Variants in CCDC60 observed in about 807,000 individuals in gnomAD.
The protein encoded by CCDC60 is coiled-coil domain-containing protein 60.
Under a neutral mutation model 63.5 loss-of-function variants are expected in CCDC60, and 54 were observed. The observed-to-expected ratio is 0.85, with a 90% confidence interval of 0.68 to 1.07. The LOEUF (loss-of-function observed/expected upper bound fraction) is 1.07. CCDC60 is among the 50% of genes least tolerant of loss of function. The pLI is 0.00. For missense variants in CCDC60, 651 were observed against 684.3 expected, an observed-to-expected ratio of 0.95 and a Z score of 0.54; for synonymous variants, 206 against 238.8, an observed-to-expected ratio of 0.86 and a Z score of 1.27.
intron 1 of CCDC60, among the ~76,000 whole-genome samples, chr12:119,360,590 G>A (rs1003294041): frequency 1.6e-4 from 24 of 151,962 alleles, no homozygotes; most frequent in Non-Finnish European, 2.4e-4. Context: ...CGGCCGGGCA[G>A]AGGCACTCCT....
intron 1 of CCDC60, among the ~76,000 whole-genome samples, chr12:119,390,699 T>A (rs940188543): frequency 3.9e-5 from 6 of 152,190 alleles, no homozygotes; most frequent in African/African-American, 1.4e-4. Flanking sequence ...AGATTTGAAT[T>A]CAGCAGCTCG....
intron 11 of CCDC60, among the ~76,000 whole-genome samples, chr12:119,525,483 G>A (rs1952656702): frequency 6.6e-6 from 1 of 152,208 alleles, no homozygotes; most frequent in East Asian, 1.9e-4. Context: ...AGAGACTGGG[G>A]GGCTATATTC....
Position 119,479,057 on chromosome 12 carries a change from A to T in CCDC60, c.342-37A>T, listed in dbSNP as rs139820557. The T allele has an allele frequency of 4.4e-3, 6,364 of 1,437,070 alleles. 47 individuals are homozygous for T. Among genetic ancestry groups the T allele is most frequent in the Non-Finnish European group, 4.6e-3 (4,666 of 1,021,064 alleles). 89.0% of individuals were successfully genotyped at this position (1,437,070 alleles called of 1,614,324 possible). ...AAGAAGGTGTTCAAAGCTACTGCTC[A>T]TTGTTCACATTGTTTCTCTGTCTGC... On this transcript the variant is annotated intron_variant, in intron 3 of 13. Coordinates refer to ENST00000327554, the MANE Select transcript of CCDC60 (RefSeq NM_178499.5).
chr12:119,483,076 AAC>A (rs1951361503), intron 4 of CCDC60, among the ~76,000 whole-genome samples: 1 of 152,162 alleles, frequency 6.6e-6, no homozygotes, highest in Non-Finnish European at 1.5e-5. Context: ...GCTCAGAATG[AAC>A]ACAGTTACCC....
intron 1 of CCDC60, among the ~76,000 whole-genome samples, chr12:119,350,606 A>G (rs2136153009): frequency 6.6e-6 from 1 of 152,322 alleles, no homozygotes; most frequent in South Asian, 2.1e-4. Context: ...CAGCACTGCC[A>G]TAAAATGGTT....
chr12:119,458,057 A>G (rs1229471443), intron 2 of CCDC60, among the ~76,000 whole-genome samples: 1 of 152,042 alleles, frequency 6.6e-6, no homozygotes, highest in Non-Finnish European at 1.5e-5. Flanking sequence ...TCATTCCATC[A>G]TTTTTGCCCT....
chr12:119,516,566 A>G lies in CCDC60; in HGVS notation c.884-57A>G, dbSNP rs1185450901. 5.5e-6 allele frequency: 7 copies of G among 1,271,810 alleles called. No individual in the cohort carries two copies. In the East Asian group the frequency reaches 1.6e-4, roughly 29 times the overall value. 78.8% of individuals were successfully genotyped at this position (1,271,810 alleles called of 1,614,324 possible). On this transcript the variant is annotated intron_variant, in intron 7 of 13. Coordinates refer to ENST00000327554, the MANE Select transcript of CCDC60 (RefSeq NM_178499.5). ...TTTGGGGGGCTGCACCCTGTTCTGCACAATCCTGTCTCAGGGGTGGCTTCT... is the reference window on the plus strand; with the variant it reads ...TTTGGGGGGCTGCACCCTGTTCTGCGCAATCCTGTCTCAGGGGTGGCTTCT...
rs956368760 is a variant in CCDC60 at position 119,540,953 on chromosome 12, T to C, written c.*238T>C. 1.1e-4 allele frequency: 49 copies of C among 429,754 alleles called. No individual in the cohort carries two copies. The highest frequency in any genetic ancestry group is 3.4e-4 in the Admixed American group (8 of 23,762). The allele number at this position is 429,754 out of a possible 1,614,324, so 26.6% of individuals were successfully genotyped here. ...CAACCTACCAGTCTCTGTTCTTCAA[T>C]GATCCAGCCTGACTCTACCTACTTC... On this transcript the variant is annotated 3_prime_UTR_variant, in exon 14 of 14. Transcript: ENST00000327554.
At chr12:119,452,113 G>A (rs866261603) in intron 2 of CCDC60, among the ~76,000 whole-genome samples, 58 of 152,282 alleles carry the variant, frequency 3.8e-4, no homozygotes, top group African/African-American at 1.3e-3. Flanking sequence ...AAACTCTGAA[G>A]CTACTTTGCA....
At position 119,505,301 on chromosome 12, in the gene CCDC60, T is replaced by A. The variant is rs780484172; in HGVS notation, c.881T>A (p.Met294Lys). Reference sequence around the variant, plus strand: ...AAGCCAGATGAAGAACCTCTGTATATGAGTAAGTCCTACCTGAGATCTGAC... The same window carrying A: ...AAGCCAGATGAAGAACCTCTGTATAAGAGTAAGTCCTACCTGAGATCTGAC... Reference protein sequence around the residue: ...STKPDEEPLYMNLQKLLEMVR... With the variant: ...STKPDEEPLYKNLQKLLEMVR... The change falls in exon 7 of 14, where the codon ATG becomes AAG. Residue 294 changes from methionine to lysine, a missense_variant and splice_region_variant. By Grantham distance (95) the Met-to-Lys change is moderately conservative. Transcript: ENST00000327554. The A allele has an allele frequency of 6.3e-7, 1 of 1,599,726 alleles. No individual in the cohort carries two copies.
At chr12:119,475,215 T>G (rs1951149713) in intron 3 of CCDC60, among the ~76,000 whole-genome samples, 1 of 152,208 alleles carries the variant, frequency 6.6e-6, no homozygotes, top group Non-Finnish European at 1.5e-5. Context: ...CATGAACTCA[T>G]GGCTCTTTTT....
chr12:119,510,333 C>T (rs964818282), intron 7 of CCDC60, among the ~76,000 whole-genome samples: 1 of 152,118 alleles, frequency 6.6e-6, no homozygotes, highest in East Asian at 1.9e-4. Flanking sequence ...TTAAACAATG[C>T]ACACTCTTGT....
At chr12:119,530,263 G>A (rs1952801903) in intron 12 of CCDC60, among the ~76,000 whole-genome samples, 1 of 137,080 alleles carries the variant, frequency 7.3e-6, no homozygotes, top group Admixed American at 7.1e-5. Flanking sequence ...CAAGGGGTGA[G>A]GGAGTTTTTT....
intron 1 of CCDC60, among the ~76,000 whole-genome samples, chr12:119,342,263 T>A (rs953999261): frequency 3.9e-5 from 6 of 152,208 alleles, no homozygotes; most frequent in African/African-American, 1.4e-4. Flanking sequence ...GCTATGTTTG[T>A]CCCTTTTATG....
intron 12 of CCDC60, 143 bp downstream of exon 12, chr12:119,528,889 C>A: frequency 1.3e-6 from 1 of 788,114 alleles, no homozygotes; most frequent in East Asian, 3.0e-5. Context: ...CAGGATCCCC[C>A]ACCCCCCAGA....
At chr12:119,395,026 T>C (rs1338991803) in intron 1 of CCDC60, among the ~76,000 whole-genome samples, 3 of 152,118 alleles carry the variant, frequency 2.0e-5, no homozygotes, top group Non-Finnish European at 4.4e-5. Context: ...GGATGAGTAG[T>C]TTTCCAAGTG....
intron 1 of CCDC60, among the ~76,000 whole-genome samples, chr12:119,339,713 C>T (rs1955511900): frequency 6.6e-6 from 1 of 152,178 alleles, no homozygotes; most frequent in African/African-American, 2.4e-5. Flanking sequence ...GAGGCTGAGG[C>T]AGGAGGCTTG....
chr12:119,461,172 G>C (rs1428555144), intron 2 of CCDC60, among the ~76,000 whole-genome samples: 1 of 152,072 alleles, frequency 6.6e-6, no homozygotes, highest in East Asian at 1.9e-4. Context: ...GCAAGCTGAC[G>C]ATAACAACCG....
chr12:119,344,857 A>T (rs61939530), intron 1 of CCDC60, among the ~76,000 whole-genome samples: 9,140 of 38,474 alleles, frequency 0.24, 230 homozygotes, highest in Middle Eastern at 0.37. Context: ...TCTCTCTCTC[A>T]CACACACACA....
Sources: gnomAD v4.1 joint callset for allele counts (sites outside exome capture counted in the v4.1 genomes callset) on GRCh38, gnomAD v4.1.1 for gene constraint, MANE v1.5 for transcripts, NCBI Gene and HGNC (gene_info 2026-07-23, HGNC 2026-07-21) for gene names.